Variants in DNAAF8 observed in about 807,000 individuals in gnomAD.
DNAAF8 encodes dynein axonemal assembly factor 8.
A neutral mutation model predicts 54.6 loss-of-function variants in DNAAF8; 61 were observed. The ratio of observed to expected loss-of-function variants is 1.12; its 90% CI spans 0.91 to 1.38. The LOEUF (loss-of-function observed/expected upper bound fraction) is 1.38. DNAAF8 is among the 40% of genes most tolerant of loss of function. DNAAF8 has a pLI of 0.00. For missense variants in DNAAF8, 837 were observed against 665.0 expected, an observed-to-expected ratio of 1.26 and a Z score of -2.85; for synonymous variants, 320 against 270.1, an observed-to-expected ratio of 1.18 and a Z score of -1.81.
At chr16:4,741,870 G>C (rs1411569030) in intron 4 of DNAAF8, among the ~76,000 whole-genome samples, 1 of 152,188 alleles carries the variant, frequency 6.6e-6, no homozygotes, top group African/African-American at 2.4e-5. Flanking sequence ...TCCTAGAGGA[G>C]TTATCTTGTC....
chr16:4,738,433 G>A (rs2142201637), intron 3 of DNAAF8, among the ~76,000 whole-genome samples: 1 of 152,356 alleles, frequency 6.6e-6, no homozygotes, highest in South Asian at 2.1e-4. Context: ...GCCTGAGCAA[G>A]CACACAAGCT....
Position 4,737,718 on chromosome 16 carries a change from G to C in DNAAF8, c.130-82G>C, listed in dbSNP as rs2142200673. On this transcript the variant is annotated intron_variant, in intron 2 of 9. Transcript: ENST00000299320. ...GCGGGCTGGGCTGGAAGTGAGAGTG[G>C]AGAGTGGAGAGCGGGGGTGGCTAGG... 11 of 1,514,224 alleles carry C rather than the reference G, an allele frequency of 7.3e-6. No homozygotes were observed. The South Asian group carries it at 1.2e-4, about 16-fold the overall frequency. The allele number at this position is 1,514,224 out of a possible 1,614,324, so 93.8% of individuals were successfully genotyped here.
At chr16:4,738,841 A>G (rs1432814278) in intron 3 of DNAAF8, among the ~76,000 whole-genome samples, 74 of 152,070 alleles carry the variant, frequency 4.9e-4, no homozygotes, top group Admixed American at 4.8e-3. Flanking sequence ...CCAAGATCAC[A>G]CCACTGCACA....
chr16:4,738,652 A>G (rs1462951072), intron 3 of DNAAF8, among the ~76,000 whole-genome samples: 2 of 152,124 alleles, frequency 1.3e-5, no homozygotes, highest in Non-Finnish European at 2.9e-5. Context: ...GGAGGCCAGT[A>G]TGGGTGGATC....
chr16:4,741,067 CAAAA>C (rs71139655), intron 4 of DNAAF8, among the ~76,000 whole-genome samples: 3 of 142,500 alleles, frequency 2.1e-5, no homozygotes, highest in Non-Finnish European at 1.5e-5. Context: ...ACTAAAAATA[CAAAA>C]AAAAAAAAAA....
At chr16:4,748,320 G>A (rs2082045189) in intron 9 of DNAAF8, 1 of 151,420 alleles carries the variant, frequency 6.6e-6, no homozygotes, top group African/African-American at 2.4e-5. Flanking sequence ...CACAGTGCTG[G>A]GATTATAGCA....
Position 4,736,529 on chromosome 16 carries a change from T to A in DNAAF8, c.15T>A (p.Asp5Glu). Residue 5 changes from aspartate to glutamate, a missense_variant, in exon 2 of 10, where the codon GAT (aspartate) becomes GAA (glutamate). Transcript: ENST00000299320. MASNDKGMAPSLGSP... is the reference protein window; with the variant it reads MASNEKGMAPSLGSP... ...CCTGGGCCCTCATGGCATCCAACGA[T>A]AAAGGCATGGCACCCTCGCTGGGCT... is the stretch of plus-strand genomic sequence containing the variant. 1 of 1,556,964 alleles carries A rather than the reference T, an allele frequency of 6.4e-7. No individual in the cohort carries two copies. Among genetic ancestry groups the A allele is most frequent in the African/African-American group, 1.4e-5 (1 of 73,530 alleles).
chr16:4,737,053 G>A (rs949116362), intron 2 of DNAAF8, among the ~76,000 whole-genome samples: 6 of 152,080 alleles, frequency 3.9e-5, no homozygotes, highest in African/African-American at 7.2e-5. Context: ...ATAAGCCTTC[G>A]AGGGATTCTG....
At position 4,736,557 on chromosome 16, in the gene DNAAF8, C is replaced by T; in HGVS notation, c.43C>T (p.Pro15Ser). The change falls in exon 2 of 10, where the codon CCC (proline) becomes TCC (serine). Residue 15 changes from proline (P) to serine (S), a missense_variant. Physicochemically the swap from Pro to Ser is moderately conservative, Grantham distance 74 (BLOSUM62 -1). Coordinates refer to ENST00000299320, the MANE Select transcript of DNAAF8 (RefSeq NM_139170.3). The stretch of plus-strand genomic sequence containing the variant: ...AGGCATGGCACCCTCGCTGGGCTCT[C>T]CCTGGGCCTCCCAGATGGGGCCCTG... ...DKGMAPSLGS[P>S]WASQMGPWDA... 6.3e-7 allele frequency: 1 copy of T among 1,588,012 alleles called. No homozygotes were observed.
intron 1 of DNAAF8, among the ~76,000 whole-genome samples, chr16:4,735,731 G>C (rs578037229): frequency 6.6e-6 from 1 of 152,166 alleles, no homozygotes; most frequent in Admixed American, 6.5e-5. Flanking sequence ...GCTGAGGCAA[G>C]AGGATCACTT....
Position 4,744,981 on chromosome 16 carries a change from AG to A in DNAAF8, c.1015del (p.Asp339ThrfsTer30). ...CGGAAGGTGCCTGCCGACACTCCCC[AG>A]GACACCAAAGAGGCAGATTCAGGAA... ...CARKVPADTP[Q>X]DTKEADSGSR... On this transcript the variant is annotated frameshift_variant, in exon 6 of 10. Transcript: ENST00000299320. LOFTEE classifies it high-confidence loss of function. 6.2e-7 allele frequency: 1 copy of A among 1,613,804 alleles called. No homozygotes were observed. The highest frequency in any genetic ancestry group is 8.5e-7 in the Non-Finnish European group (1 of 1,179,776).
intron 2 of DNAAF8, among the ~76,000 whole-genome samples, chr16:4,737,221 G>C (rs932062025): frequency 6.6e-6 from 1 of 152,126 alleles, no homozygotes; most frequent in Non-Finnish European, 1.5e-5. Context: ...GTTTTAAAAG[G>C]AACGGGCAGG....
At chr16:4,742,666 G>A (rs2081970974) in intron 4 of DNAAF8, among the ~76,000 whole-genome samples, 1 of 152,150 alleles carries the variant, frequency 6.6e-6, no homozygotes, top group Non-Finnish European at 1.5e-5. Context: ...GTTGCAGTGA[G>A]CTGAGCTCGC....
At chr16:4,742,181 G>C (rs955952167) in intron 4 of DNAAF8, among the ~76,000 whole-genome samples, 11 of 152,134 alleles carry the variant, frequency 7.2e-5, no homozygotes, top group African/African-American at 2.4e-4. Context: ...GCCTGGAACA[G>C]CTTGATTCTT....
chr16:4,743,398 G>C, intron 5 of DNAAF8: 1 of 402,730 alleles, frequency 2.5e-6, no homozygotes, highest in Non-Finnish European at 4.4e-6. Flanking sequence ...ACAAAGGAGA[G>C]GCCTCCGCAC....
intron 3 of DNAAF8, 145 bp from the exon 4 acceptor site, chr16:4,740,008 A>G (rs763565640): frequency 9.4e-5 from 94 of 1,002,774 alleles, no homozygotes; most frequent in Non-Finnish European, 1.2e-4. Context: ...GCAGTGAGCT[A>G]TGATCGCACC....
Position 4,746,963 on chromosome 16 carries a change from G to A in DNAAF8, c.1218G>A (p.Glu406=), listed in dbSNP as rs184886290. The change falls in exon 8 of 10, where the codon GAG becomes GAA. Residue 406 remains glutamate, a synonymous_variant. Coordinates refer to ENST00000299320, the MANE Select transcript of DNAAF8 (RefSeq NM_139170.3). The part of the protein sequence containing the change: ...SHSSSDSEEE[E]EEEMAALGDA... Reference sequence around the variant, plus strand: ...GCTCCTCTGACAGTGAGGAGGAGGAGGAGGAAGAGATGGCAGCTCTGGGAG... The same window carrying A: ...GCTCCTCTGACAGTGAGGAGGAGGAAGAGGAAGAGATGGCAGCTCTGGGAG... 5 of 1,554,602 alleles carry A rather than the reference G, an allele frequency of 3.2e-6. No individual in the cohort carries two copies. The highest frequency in any genetic ancestry group is 2.4e-5 in the East Asian group (1 of 41,700).
chr16:4,737,980 G>A, intron 3 of DNAAF8, 34 bp downstream of exon 3: 1 of 1,603,346 alleles, frequency 6.2e-7, no homozygotes, highest in Non-Finnish European at 8.5e-7. Flanking sequence ...ACGCCTGTGT[G>A]TGTGCGATGT....
chr16:4,743,295 T>C (rs2081975660), intron 5 of DNAAF8, 135 bp downstream of exon 5: 10 of 608,144 alleles, frequency 1.6e-5, no homozygotes, highest in Non-Finnish European at 2.8e-5. Context: ...GGCCCCGCCC[T>C]AAACACTCAT....
Sources: allele counts gnomAD v4.1 joint callset (sites outside exome capture counted in the v4.1 genomes callset), GRCh38; gene constraint gnomAD v4.1.1; transcripts MANE v1.5; gene names NCBI Gene and HGNC (gene_info 2026-07-23, HGNC 2026-07-21).